Variants in BNC2 observed in about 807,000 individuals in gnomAD.
The protein encoded by BNC2 is basonuclin zinc finger protein 2.
BNC2 carries 20 observed loss-of-function variants against 76.3 expected under a neutral mutation model. That is an observed-to-expected ratio of 0.26 (90% confidence interval 0.18 to 0.38). The LOEUF is 0.38. Among genes scored for constraint, BNC2 ranks in the 10% least tolerant of loss-of-function variants. The pLI is 1.00. For synonymous variants in BNC2, 582 were observed against 514.8 expected, an observed-to-expected ratio of 1.13 and a Z score of -1.77; for missense variants, 1,382 against 1,399.8, an observed-to-expected ratio of 0.99 and a Z score of 0.20.
At chr9:16,846,267 G>C (rs1005245240) in intron 1 of BNC2, among the ~76,000 whole-genome samples, 1 of 152,062 alleles carries the variant, frequency 6.6e-6, no homozygotes, top group East Asian at 1.9e-4. Context: ...TTAATAAGAG[G>C]AAAGAAAATC....
At chr9:16,540,895 T>G (rs1818300398) in intron 5 of BNC2, among the ~76,000 whole-genome samples, 1 of 152,184 alleles carries the variant, frequency 6.6e-6, no homozygotes, top group African/African-American at 2.4e-5. Context: ...GGAAAAGCAC[T>G]AAATCAGGTG....
chr9:16,861,181 A>AACATATATATATATATATATAT (rs1287136917), intron 1 of BNC2, among the ~76,000 whole-genome samples: 2 of 131,696 alleles, frequency 1.5e-5, no homozygotes, highest in African/African-American at 6.2e-5. Flanking sequence ...ATCTCTACAA[A>AACATATATATATATATATATAT]ATATATATAT....
chr9:16,513,934 A>G (rs1386485340), intron 5 of BNC2, among the ~76,000 whole-genome samples: 1 of 152,194 alleles, frequency 6.6e-6, no homozygotes, highest in Non-Finnish European at 1.5e-5. Flanking sequence ...TTTATGCCCT[A>G]TGAGATTAAA....
intron 5 of BNC2, among the ~76,000 whole-genome samples, chr9:16,517,829 A>C (rs1186154949): frequency 6.6e-6 from 1 of 152,132 alleles, no homozygotes; most frequent in African/African-American, 2.4e-5. Context: ...AGGGTGGACA[A>C]GTCATAGGGT....
intron 3 of BNC2, among the ~76,000 whole-genome samples, chr9:16,640,650 C>T (rs1035453195): frequency 6.6e-6 from 1 of 152,036 alleles, no homozygotes; most frequent in Non-Finnish European, 1.5e-5. Context: ...GATGGTTTGC[C>T]GTATACATTA....
intron 1 of BNC2, among the ~76,000 whole-genome samples, chr9:16,752,371 G>A (rs1825244296): frequency 6.6e-6 from 1 of 152,254 alleles, no homozygotes; most frequent in South Asian, 2.1e-4. Flanking sequence ...TAGCTTCAGG[G>A]CACATTCAGA....
intron 6 of BNC2, 117 bp downstream of exon 6, chr9:16,435,438 A>T: frequency 8.0e-7 from 1 of 1,255,556 alleles, no homozygotes; most frequent in South Asian, 1.2e-5. Context: ...CACTGTGGAC[A>T]ATCTTTACAG....
chr9:16,561,575 G>C (rs1028006927), intron 4 of BNC2, among the ~76,000 whole-genome samples: 2 of 151,254 alleles, frequency 1.3e-5, no homozygotes, highest in South Asian at 2.1e-4. Flanking sequence ...ATTCATTCTT[G>C]TTTCTCTTCT....
intron 3 of BNC2, among the ~76,000 whole-genome samples, chr9:16,719,903 T>C (rs1206312001): frequency 1.3e-5 from 2 of 152,226 alleles, no homozygotes; most frequent in African/African-American, 4.8e-5. Flanking sequence ...TTGGTATCTT[T>C]TCCTTCTTGT....
intron 1 of BNC2, among the ~76,000 whole-genome samples, chr9:16,799,615 A>T (rs1162449076): frequency 6.6e-6 from 1 of 152,148 alleles, no homozygotes; most frequent in Admixed American, 6.5e-5. Flanking sequence ...GAAGGGCAAA[A>T]TAGCCCAAAA....
At chr9:16,823,235 T>A (rs2135960877) in intron 1 of BNC2, among the ~76,000 whole-genome samples, 1 of 152,290 alleles carries the variant, frequency 6.6e-6, no homozygotes, top group African/African-American at 2.4e-5. Flanking sequence ...ACAAATTCTT[T>A]TTCTAAAATA....
chr9:16,864,154 T>C (rs1448600100), intron 1 of BNC2, among the ~76,000 whole-genome samples: 1 of 152,186 alleles, frequency 6.6e-6, no homozygotes, highest in Non-Finnish European at 1.5e-5. Flanking sequence ...GCAAATGTAT[T>C]TCTAAAGAAC....
intron 1 of BNC2, among the ~76,000 whole-genome samples, chr9:16,788,413 C>T (rs943034598): frequency 2.6e-5 from 4 of 151,872 alleles, no homozygotes; most frequent in South Asian, 2.1e-4. Context: ...ATTAGCCGGG[C>T]GTGGTGGTAG....
intron 1 of BNC2, among the ~76,000 whole-genome samples, chr9:16,787,566 A>G (rs1000840937): frequency 6.6e-5 from 10 of 152,162 alleles, no homozygotes; most frequent in African/African-American, 2.2e-4. Context: ...CTGATGATGA[A>G]ATGATCTGTT....
At chr9:16,809,704 G>A (rs1817999643) in intron 1 of BNC2, among the ~76,000 whole-genome samples, 1 of 151,996 alleles carries the variant, frequency 6.6e-6, no homozygotes, top group Admixed American at 6.5e-5. Flanking sequence ...CTTGAACTCT[G>A]CAAGCAGAGG....
chr9:16,813,346 A>G (rs1299805820), intron 1 of BNC2, among the ~76,000 whole-genome samples: 1 of 151,508 alleles, frequency 6.6e-6, no homozygotes, highest in African/African-American at 2.4e-5. Context: ...GCTCACTGCA[A>G]GCTCCACCTC....
chr9:16,477,440 A>G (rs375301777), intron 5 of BNC2, among the ~76,000 whole-genome samples: 1 of 152,196 alleles, frequency 6.6e-6, no homozygotes, highest in Admixed American at 6.5e-5. Context: ...GCAACAGCCA[A>G]AGCTGTCTCA....
intron 1 of BNC2, among the ~76,000 whole-genome samples, chr9:16,747,741 C>A (rs986036220): frequency 6.6e-6 from 1 of 152,172 alleles, no homozygotes; most frequent in Admixed American, 6.5e-5. Context: ...TTAAGCAGGA[C>A]ATATCTTTCT....
intron 1 of BNC2, among the ~76,000 whole-genome samples, chr9:16,843,537 T>C (rs1818886527): frequency 6.6e-6 from 1 of 152,230 alleles, no homozygotes; most frequent in South Asian, 2.1e-4. Context: ...TTTTGCCATG[T>C]TGGCCAGGCT....
Sources: gnomAD v4.1 joint callset for allele counts (sites outside exome capture counted in the v4.1 genomes callset) on GRCh38, gnomAD v4.1.1 for gene constraint, MANE v1.5 for transcripts, NCBI Gene and HGNC (gene_info 2026-07-23, HGNC 2026-07-21) for gene names.